KLHL5: variants seen among roughly 807,000 people sequenced by gnomAD.
The protein encoded by KLHL5 is kelch-like protein 5.
Under a neutral mutation model 77.7 loss-of-function variants are expected in KLHL5, and 48 were observed. That is an observed-to-expected ratio of 0.62 (90% CI 0.49 to 0.79). The LOEUF (loss-of-function observed/expected upper bound fraction) is 0.79. Ranked by LOEUF, KLHL5 falls within the 30% of genes least tolerant of loss-of-function variation. KLHL5 has a pLI of 0.00. For synonymous variants in KLHL5, 260 were observed against 297.0 expected (o/e 0.88, Z 1.28); for missense variants, 723 against 859.7 (o/e 0.84, Z 1.99).
chr4:39,050,087 A>G (rs1716522869), intron 1 of KLHL5, among the ~76,000 whole-genome samples: 1 of 152,094 alleles, frequency 6.6e-6, no homozygotes, highest in Non-Finnish European at 1.5e-5. Context: ...AAATAAATAA[A>G]TAAATAAGTG....
At chr4:39,050,813 G>A (rs1376253354) in intron 1 of KLHL5, among the ~76,000 whole-genome samples, 1 of 152,208 alleles carries the variant, frequency 6.6e-6, no homozygotes, top group Non-Finnish European at 1.5e-5. Context: ...TAGTGAGACA[G>A]GCTGATTATG....
chr4:39,076,841 A>G (rs1472503119), intron 2 of KLHL5, among the ~76,000 whole-genome samples: 2 of 151,828 alleles, frequency 1.3e-5, no homozygotes, highest in African/African-American at 4.8e-5. Context: ...CATCGGAAAA[A>G]GCCTTCTAGA....
At chr4:39,080,356 ATC>A (rs1719497160) in intron 2 of KLHL5, among the ~76,000 whole-genome samples, 1 of 151,866 alleles carries the variant, frequency 6.6e-6, no homozygotes, top group Admixed American at 6.6e-5. Flanking sequence ...GCGAAACTCC[ATC>A]TCTACTAAAA....
At chr4:39,047,490 A>G (rs1560399202) in intron 1 of KLHL5, among the ~76,000 whole-genome samples, 1 of 152,248 alleles carries the variant, frequency 6.6e-6, no homozygotes, top group East Asian at 1.9e-4. Flanking sequence ...CTGAGGTTTA[A>G]TGAGAATTGG....
chr4:39,076,212 A>C, intron 2 of KLHL5, 65 bp downstream of exon 2: 1 of 1,395,968 alleles, frequency 7.2e-7, no homozygotes, highest in Non-Finnish European at 9.8e-7. Flanking sequence ...ATGTATATTG[A>C]GGTAACCTAC....
At chr4:39,118,259 G>C (rs780689573) in intron 10 of KLHL5, among the ~76,000 whole-genome samples, 3 of 151,950 alleles carry the variant, frequency 2.0e-5, no homozygotes, top group Non-Finnish European at 4.4e-5. Context: ...TACAGGATGA[G>C]GAATCTGACA....
Position 39,101,163 on chromosome 4 carries a change from T to C in KLHL5, c.1301-2124T>C, listed in dbSNP as rs182750839. On this transcript the variant is annotated intron_variant, in intron 6 of 10. Coordinates refer to ENST00000504108, the MANE Select transcript of KLHL5 (RefSeq NM_015990.5). ...ATATATATATCTACCTGAGACTGTGTTTTAATATCTTTATGTTTGAAATTA... is the reference window on the plus strand; with the variant it reads ...ATATATATATCTACCTGAGACTGTGCTTTAATATCTTTATGTTTGAAATTA... Among the ~76,000 whole-genome samples, 473 of 147,932 alleles carry C rather than the reference T, an allele frequency of 3.2e-3. 4 individuals are homozygous for C. The highest frequency in any genetic ancestry group is 0.011 in the African/African-American group (453 of 40,662).
intron 8 of KLHL5, among the ~76,000 whole-genome samples, chr4:39,108,451 T>C (rs1722207612): frequency 6.6e-6 from 1 of 152,132 alleles, no homozygotes; most frequent in Non-Finnish European, 1.5e-5. Context: ...TAAAATTATG[T>C]ATAGAATTGT....
intron 9 of KLHL5, among the ~76,000 whole-genome samples, chr4:39,113,557 A>G (rs1448502384): frequency 3.9e-5 from 6 of 152,240 alleles, no homozygotes; most frequent in African/African-American, 4.8e-5. Context: ...GGACATTTCT[A>G]TGTGTTTTGA....
At chr4:39,055,382 A>G (rs1342527240) in intron 1 of KLHL5, among the ~76,000 whole-genome samples, 1 of 152,218 alleles carries the variant, frequency 6.6e-6, no homozygotes, top group Non-Finnish European at 1.5e-5. Context: ...TTCTGTATTC[A>G]TATTATTTCA....
At chr4:39,132,232 C>T in the KLHL5 span, among the ~76,000 whole-genome samples, 1 of 152,226 alleles carries the variant, frequency 6.6e-6, no homozygotes, top group East Asian at 1.9e-4. Flanking sequence ...AAACCAGTCT[C>T]CCCGGAAAGC....
intron 10 of KLHL5, chr4:39,120,147 C>G (rs1258530398): frequency 6.6e-6 from 1 of 152,186 alleles, no homozygotes; most frequent in Non-Finnish European, 1.5e-5. Context: ...CTTTGCATTA[C>G]TCACCCGCTG....
rs1325407805 is a variant in KLHL5 at position 39,125,402 on chromosome 4, G to A, written c.*4336G>A. 6.6e-6 allele frequency among the ~76,000 whole-genome samples: 1 copy of A among 152,124 alleles called. No individual in the cohort carries two copies. Among genetic ancestry groups the A allele is most frequent in the East Asian group, 1.9e-4 (1 of 5,200 alleles). On this transcript the variant is annotated 3_prime_UTR_variant, in exon 11 of 11. Coordinates refer to ENST00000504108, the MANE Select transcript of KLHL5 (RefSeq NM_015990.5). ...AAAAACTTTCACGCAAATATTCATT[G>A]CAGCACTAGTCACAGTAGCCAAAAA... is the stretch of plus-strand genomic sequence containing the variant.
rs1719612399 is a variant in KLHL5 at position 39,081,490 on chromosome 4, A to G, written c.703+251A>G. Among the ~76,000 whole-genome samples the G allele has an allele frequency of 6.6e-6, 1 of 152,084 alleles. No individual in the cohort carries two copies. Among genetic ancestry groups the G allele is most frequent in the Non-Finnish European group, 1.5e-5 (1 of 68,036 alleles). On this transcript the variant is annotated intron_variant, in intron 3 of 10. Coordinates refer to ENST00000504108, the MANE Select transcript of KLHL5 (RefSeq NM_015990.5). The surrounding 1 kb of genome is among the most constrained non-coding windows in gnomAD (Gnocchi z 4.3). ...AAATTAAATGAATTACATAGTGTCA[A>G]ATTTTTGCATTTAAAATTTGAGAGT...
downstream of KLHL5, among the ~76,000 whole-genome samples, chr4:39,128,728 C>T: frequency 6.6e-6 from 1 of 152,018 alleles, no homozygotes; most frequent in Non-Finnish European, 1.5e-5. Flanking sequence ...TTTGGGAGGC[C>T]AAGGCAGGAG....
intron 10 of KLHL5, among the ~76,000 whole-genome samples, chr4:39,119,677 A>G (rs993419571): frequency 1.3e-5 from 2 of 152,312 alleles, no homozygotes; most frequent in Non-Finnish European, 2.9e-5. Context: ...TGAGATGACA[A>G]AGTCCTAAGC....
chr4:39,131,851 G>A (rs1015118263), downstream of KLHL5, among the ~76,000 whole-genome samples: 3 of 150,050 alleles, frequency 2.0e-5, no homozygotes, highest in African/African-American at 7.4e-5. Context: ...TCACACCACT[G>A]CAGTGCAGCC....
intron 10 of KLHL5, among the ~76,000 whole-genome samples, chr4:39,117,094 C>T (rs10021483): frequency 0.53 from 80,137 of 151,912 alleles, 21,701 homozygotes; most frequent in Non-Finnish European, 0.59. Flanking sequence ...CTTGGCCTCT[C>T]AAAGTGCTGG....
intron 6 of KLHL5, among the ~76,000 whole-genome samples, chr4:39,100,180 T>A (rs1721420182): frequency 6.6e-6 from 1 of 152,174 alleles, no homozygotes; most frequent in Admixed American, 6.5e-5. Flanking sequence ...CTTTTCAGCT[T>A]TCTGGGAGAT....
Sources: allele counts gnomAD v4.1 joint callset (sites outside exome capture counted in the v4.1 genomes callset), GRCh38; gene constraint gnomAD v4.1.1; non-coding constraint Gnocchi (gnomAD v3.1); transcripts MANE v1.5; gene names NCBI Gene and HGNC (gene_info 2026-07-23, HGNC 2026-07-21).